SFI1: variants seen among roughly 807,000 people sequenced by gnomAD.
The protein encoded by SFI1 is SFI1 centrin binding protein.
In SFI1, 195 loss-of-function variants were observed where a neutral mutation model predicts 207.5. The ratio of observed to expected loss-of-function variants is 0.94; its 90% CI spans 0.84 to 1.06. SFI1 has a LOEUF of 1.06. Among genes scored for constraint, SFI1 ranks in the 50% least tolerant of loss-of-function variants. The pLI is 0.00. For synonymous variants in SFI1, 630 were observed against 598.9 expected (o/e 1.05, Z -0.76); for missense variants, 1,634 against 1,588.0 (o/e 1.03, Z -0.49).
At position 31,583,883 on chromosome 22, in the gene SFI1, C is replaced by T. The variant is rs776480018; in HGVS notation, c.1257C>T (p.His419=). 6.2e-7 allele frequency: 1 copy of T among 1,613,936 alleles called. No homozygotes were observed. Among genetic ancestry groups the T allele is most frequent in the East Asian group, 2.2e-5 (1 of 44,898 alleles). The change falls in exon 13 of 33, where the codon CAC becomes CAT. Residue 419 remains histidine, a synonymous_variant. Coordinates refer to ENST00000400288, the MANE Select transcript of SFI1 (RefSeq NM_001007467.3). Reference sequence around the variant, plus strand: ...TTCCTCCCTTGCTTTAGCTGCTGCACAGGTTCTGGAACCTCTGGCGGTCTC... The same window carrying T: ...TTCCTCCCTTGCTTTAGCTGCTGCATAGGTTCTGGAACCTCTGGCGGTCTC... ...AHQQHGVTLL[H]RFWNLWRSQI... is the part of the protein sequence containing the mutation.
Position 31,575,242 on chromosome 22 carries a change from C to T in SFI1, c.934C>T (p.Arg312Ter), listed in dbSNP as rs1245906121. 5.0e-6 allele frequency: 8 copies of T among 1,608,616 alleles called. No homozygotes were observed. The highest frequency in any genetic ancestry group is 2.2e-5 in the East Asian group (1 of 44,686). ...TTTCTCTGTTGCAGAGATGGCTGAG[C>T]GATTCCATCATGTCACTGTGCTCCA... is the stretch of plus-strand genomic sequence containing the variant. ...VKRQQNEMAERFHHVTVLQIY... is the reference protein window; with the variant it reads ...VKRQQNEMAE The change falls in exon 10 of 33, where the codon CGA becomes TGA. Residue 312 changes from arginine (R) to a stop codon, truncating the protein, a stop_gained. Coordinates refer to ENST00000400288, the MANE Select transcript of SFI1 (RefSeq NM_001007467.3). LOFTEE classifies it high-confidence loss of function.
intron 2 of SFI1, 39 bp from the exon 3 acceptor site, chr22:31,528,651 C>T (rs1381678159): frequency 3.8e-6 from 6 of 1,578,926 alleles, no homozygotes; most frequent in Non-Finnish European, 4.3e-6. Flanking sequence ...GCAGAGATAA[C>T]TTTATTCTCT....
chr22:31,546,533 G>T (rs2060097390), intron 4 of SFI1, among the ~76,000 whole-genome samples: 1 of 151,632 alleles, frequency 6.6e-6, no homozygotes, highest in African/African-American at 2.4e-5. Context: ...GTTTCACCAT[G>T]TTGGCCAGGA....
rs978486166 is a variant in SFI1 at position 31,496,659 on chromosome 22, T to C, written c.-31+22T>C. The C allele has an allele frequency of 5.3e-5, 8 of 152,120 alleles. 1 individual carries two copies. Among genetic ancestry groups the C allele is most frequent in the African/African-American group, 1.9e-4 (8 of 41,472 alleles). 9.4% of individuals were successfully genotyped at this position (152,120 alleles called of 1,614,324 possible). On this transcript the variant is annotated intron_variant, in intron 1 of 32. Coordinates refer to ENST00000400288, the MANE Select transcript of SFI1 (RefSeq NM_001007467.3). ...CCAGGTACGAGGCCCGGCCCTAACG[T>C]CCCCACCCTCTTCTGGGCTCGGCCT...
intron 24 of SFI1, chr22:31,612,425 AT>A (rs1469414519): frequency 3.8e-5 from 5 of 131,790 alleles, no homozygotes; most frequent in Admixed American, 2.3e-4. Context: ...ATATATATAT[AT>A]AATCAGTGGG....
At chr22:31,578,910 C>G (rs749529014) in intron 11 of SFI1, among the ~76,000 whole-genome samples, 1 of 152,190 alleles carries the variant, frequency 6.6e-6, no homozygotes, top group Non-Finnish European at 1.5e-5. Flanking sequence ...AGTCTGATAT[C>G]TTCACTTCTG....
At chr22:31,548,356 C>T (rs980982150) in intron 5 of SFI1, among the ~76,000 whole-genome samples, 29 of 151,306 alleles carry the variant, frequency 1.9e-4, no homozygotes, top group African/African-American at 6.3e-4. Context: ...GATCACTTGA[C>T]GTTAGGAGTT....
intron 2 of SFI1, among the ~76,000 whole-genome samples, chr22:31,520,634 G>A (rs531862446): frequency 1.6e-3 from 243 of 151,958 alleles, no homozygotes; most frequent in Non-Finnish European, 2.5e-3. Flanking sequence ...AATGTTTGTT[G>A]ATATAACTTC....
At position 31,605,243 on chromosome 22, in the gene SFI1, T is replaced by C. The variant is rs138677665; in HGVS notation, c.2054+298T>C. Reference sequence around the variant, plus strand: ...TGCTTCACGCCTACAAAATTCAGCTTTGCAAGGCACCTTGTCATCTCTTCC... The same window carrying C: ...TGCTTCACGCCTACAAAATTCAGCTCTGCAAGGCACCTTGTCATCTCTTCC... On this transcript the variant is annotated intron_variant, in intron 20 of 32. Transcript: ENST00000400288. The C allele has an allele frequency of 6.4e-3, 1,530 of 238,580 alleles. 9 individuals are homozygous for C. Among genetic ancestry groups the C allele is most frequent in the Non-Finnish European group, 9.7e-3 (1,192 of 123,250 alleles). The allele number at this position is 238,580 out of a possible 1,614,324, so 14.8% of individuals were successfully genotyped here.
chr22:31,604,380 G>GCA lies in SFI1; in HGVS notation c.1956_1957dup (p.Arg653ThrfsTer8), dbSNP rs1569449009. On this transcript the variant is annotated frameshift_variant, in exon 19 of 33. Transcript: ENST00000400288. LOFTEE classifies it high-confidence loss of function. ...ACCTGCACCACCAGCACAGCGTGCT[G>GCA]CACAGGGCGCTGCAGGCATGGGTGG... 6.4e-7 allele frequency: 1 copy of GCA among 1,562,430 alleles called. No individual in the cohort carries two copies. Among genetic ancestry groups the GCA allele is most frequent in the Non-Finnish European group, 8.6e-7 (1 of 1,156,998 alleles).
chr22:31,611,052 A>G, intron 22 of SFI1, 91 bp from the exon 23 acceptor site: 2 of 1,547,946 alleles, frequency 1.3e-6, no homozygotes, highest in South Asian at 2.2e-5. Flanking sequence ...CTATCCCTGC[A>G]CAGCCATCTC....
At position 31,532,309 on chromosome 22, in the gene SFI1, AGTGCTGCCCATTGCT is replaced by A. The variant is rs2058606488; in HGVS notation, c.338+1184_338+1198del. Among the ~76,000 whole-genome samples the A allele has an allele frequency of 2.6e-5, 4 of 152,264 alleles. No homozygotes were observed. In the South Asian group the frequency reaches 8.3e-4, roughly 32 times the overall value. On this transcript the variant is annotated intron_variant, in intron 4 of 32. Coordinates refer to ENST00000400288, the MANE Select transcript of SFI1 (RefSeq NM_001007467.3). The stretch of plus-strand genomic sequence containing the variant: ...GTCATAGCTTCATTTTGTATAGACC[AGTGCTGCCCATTGCT>A]GTGGTTTTGGGTTATAATTGCTTTA...
In SFI1 at chr22:31,582,206, T is replaced by TATATATATATATATATATA. The variant is rs1569376507; in HGVS notation, c.1249-1669_1249-1668insATATATATATATATATATA. ...CCCAACAACACTTCTTTATTACATT[T>TATATATATATATATATATA]TATATATATATATATATATATATAT... On this transcript the variant is annotated intron_variant, in intron 12 of 32. Coordinates refer to ENST00000400288, the MANE Select transcript of SFI1 (RefSeq NM_001007467.3). Among the ~76,000 whole-genome samples the TATATATATATATATATATA allele has an allele frequency of 1.7e-3, 61 of 36,614 alleles. 7 individuals are homozygous for TATATATATATATATATATA. Among genetic ancestry groups the TATATATATATATATATATA allele is most frequent in the East Asian group, 0.011 (8 of 760 alleles). 24.0% of individuals were successfully genotyped at this position (36,614 alleles called of 152,430 possible).
chr22:31,593,950 G>A (rs1194334511), intron 15 of SFI1, among the ~76,000 whole-genome samples: 3 of 143,342 alleles, frequency 2.1e-5, no homozygotes, highest in Non-Finnish European at 4.6e-5. Context: ...GTCCAGCTTC[G>A]GCTCCGCATG....
intron 8 of SFI1, among the ~76,000 whole-genome samples, chr22:31,568,714 A>T (rs192293933): frequency 6.6e-6 from 1 of 152,126 alleles, no homozygotes; most frequent in East Asian, 1.9e-4. Context: ...GGACTAAGGA[A>T]CTTAACAAAA....
intron 19 of SFI1, 127 bp downstream of exon 19, chr22:31,604,531 C>A: frequency 1.2e-6 from 1 of 833,286 alleles, no homozygotes; most frequent in Non-Finnish European, 1.8e-6. Flanking sequence ...TCAAACCAAG[C>A]AGGTGCCCCG....
In SFI1 at chr22:31,618,139, C is replaced by G. The variant is rs747860528; in HGVS notation, c.3537C>G (p.Ser1179Arg). The G allele has an allele frequency of 6.3e-7, 1 of 1,583,446 alleles. No homozygotes were observed. The highest frequency in any genetic ancestry group is 1.2e-5 in the South Asian group (1 of 86,276). ...NLWSCRRQAS[S>R]LRRWLELNRE... ...GGTCCTGTCGGCGGCAAGCGAGCAG[C>G]CTGCGCAGGTGGCTGGAGCTGAACA... Residue 1179 changes from serine (S) to arginine (R), a missense_variant, in exon 32 of 33, where the codon AGC becomes AGG. Transcript: ENST00000400288.
chr22:31,534,339 A>T (rs2058779144), intron 4 of SFI1, among the ~76,000 whole-genome samples: 1 of 152,112 alleles, frequency 6.6e-6, no homozygotes. Flanking sequence ...ATTTATTCAC[A>T]TATTTACCCT....
chr22:31,602,517 T>C, intron 16 of SFI1, 90 bp from the exon 17 acceptor site: 1 of 1,457,646 alleles, frequency 6.9e-7, no homozygotes, highest in Non-Finnish European at 9.5e-7. Context: ...TTTGCCTTAG[T>C]CATTATTTGT....
Sources: allele counts gnomAD v4.1 joint callset (sites outside exome capture counted in the v4.1 genomes callset), GRCh38; gene constraint gnomAD v4.1.1; transcripts MANE v1.5; gene names NCBI Gene and HGNC (gene_info 2026-07-23, HGNC 2026-07-21).